The following RBM19 variants were observed in gnomAD, a reference collection of about 807,000 sequenced individuals.
RBM19 encodes RNA binding motif protein 19.
In RBM19, 94 loss-of-function variants were observed where a neutral mutation model predicts 116.8. That is an observed-to-expected ratio of 0.80 (90% CI 0.68 to 0.95). The LOEUF (loss-of-function observed/expected upper bound fraction) is 0.95. RBM19 is among the 40% of genes least tolerant of loss of function. RBM19 has a pLI of 0.00. For synonymous variants in RBM19, 475 were observed against 494.1 expected, an observed-to-expected ratio of 0.96 and a Z score of 0.51; for missense variants, 1,161 against 1,220.7, an observed-to-expected ratio of 0.95 and a Z score of 0.73.
At chr12:113,889,673 CA>C (rs374167674) in intron 21 of RBM19, among the ~76,000 whole-genome samples, 7 of 33,414 alleles carry the variant, frequency 2.1e-4, no homozygotes, top group Admixed American at 3.7e-4. Flanking sequence ...AAACAAACAA[CA>C]AAAAAAAAAA....
intron 7 of RBM19, among the ~76,000 whole-genome samples, chr12:113,954,875 T>C (rs10774728): frequency 0.27 from 40,899 of 152,096 alleles, 5,799 homozygotes; most frequent in Middle Eastern, 0.41. Flanking sequence ...ACCTTTTCTT[T>C]AACAGAGTGT....
chr12:113,906,734 G>A (rs972733094), intron 21 of RBM19, among the ~76,000 whole-genome samples: 3 of 151,884 alleles, frequency 2.0e-5, no homozygotes, highest in African/African-American at 7.3e-5. Context: ...CCTGCTTGGA[G>A]GAGCCTTACC....
intron 18 of RBM19, among the ~76,000 whole-genome samples, chr12:113,924,163 GCT>G (rs1395610715): frequency 6.6e-6 from 1 of 152,206 alleles, no homozygotes; most frequent in Non-Finnish European, 1.5e-5. Context: ...AGATGAGGGT[GCT>G]CTCTGCCTGT....
intron 21 of RBM19, among the ~76,000 whole-genome samples, chr12:113,891,220 G>A (rs778568570): frequency 6.6e-6 from 1 of 152,170 alleles, no homozygotes; most frequent in Admixed American, 6.5e-5. Context: ...GAAACATCCC[G>A]CCATCTCCTG....
At chr12:113,922,523 G>A (rs1224277826) in intron 18 of RBM19, among the ~76,000 whole-genome samples, 1 of 152,148 alleles carries the variant, frequency 6.6e-6, no homozygotes, top group Non-Finnish European at 1.5e-5. Flanking sequence ...GCATCTGACT[G>A]GGCGCAGTGA....
intron 21 of RBM19, among the ~76,000 whole-genome samples, chr12:113,861,719 G>A (rs188434843): frequency 5.5e-4 from 84 of 152,286 alleles, no homozygotes; most frequent in African/African-American, 2.0e-3. Context: ...ACGCTGTTGA[G>A]GAGAGGCTAC....
intron 21 of RBM19, among the ~76,000 whole-genome samples, chr12:113,878,842 A>AG (rs1879866151): frequency 2.9e-5 from 4 of 136,036 alleles, no homozygotes; most frequent in African/African-American, 1.1e-4. Flanking sequence ...AAAAAAAAAA[A>AG]AGGGGGGGGT....
chr12:113,942,963 G>A (rs1870710901), intron 13 of RBM19, among the ~76,000 whole-genome samples: 1 of 152,076 alleles, frequency 6.6e-6, no homozygotes, highest in South Asian at 2.1e-4. Context: ...GGACCCCAGG[G>A]TCCCCTCTCC....
intron 21 of RBM19, among the ~76,000 whole-genome samples, chr12:113,904,010 T>C (rs1323382554): frequency 1.3e-5 from 2 of 152,174 alleles, no homozygotes; most frequent in African/African-American, 4.8e-5. Flanking sequence ...GATCTTTTTT[T>C]TGAAATAAAA....
intron 22 of RBM19, among the ~76,000 whole-genome samples, chr12:113,856,602 A>G (rs554021559): frequency 3.3e-5 from 5 of 152,366 alleles, no homozygotes; most frequent in Non-Finnish European, 5.9e-5. Context: ...CATTCAGAAC[A>G]GCAGTGAGCG....
At chr12:113,957,754 C>T in intron 6 of RBM19, 28 bp downstream of exon 6, 1 of 1,539,946 alleles carries the variant, frequency 6.5e-7, no homozygotes, top group Non-Finnish European at 8.7e-7. Context: ...GCACCTCCTC[C>T]CTCATCACCT....
chr12:113,903,946 G>C lies in RBM19; in HGVS notation c.2558+11023C>G, dbSNP rs544387101. Among the ~76,000 whole-genome samples the C allele has an allele frequency of 2.2e-4, 33 of 152,346 alleles. No homozygotes were observed. The highest frequency in any genetic ancestry group is 1.9e-3 in the Admixed American group (29 of 15,308). On this transcript the variant is annotated intron_variant, in intron 21 of 23. Transcript: ENST00000261741. The surrounding 1 kb of genome is among the most constrained non-coding windows in gnomAD (Gnocchi z 5.1). ...GGGATCCGGACCATGGGATTCTGTT[G>C]AGCTACATCCCACAGCTGGTTAATG... is the stretch of plus-strand genomic sequence containing the variant.
rs572053096 is a variant in RBM19 at position 113,835,988 on chromosome 12, G to A, written c.2785+8680C>T. 6.6e-5 allele frequency among the ~76,000 whole-genome samples: 10 copies of A among 152,340 alleles called. No homozygotes were observed. In the East Asian group the frequency reaches 1.9e-3, roughly 29 times the overall value. On this transcript the variant is annotated intron_variant, in intron 23 of 23. Transcript: ENST00000261741. ...CCATTATATTCTCTCGGCTGCGCTC[G>A]CAGGTACTGTGGCCTGCCGCGGCCC...
Position 113,955,146 on chromosome 12 carries a change from C to A in RBM19, c.906G>T (p.Pro302=). 1 of 1,614,048 alleles carries A rather than the reference C, an allele frequency of 6.2e-7. No homozygotes were observed. Among genetic ancestry groups the A allele is most frequent in the Non-Finnish European group, 8.5e-7 (1 of 1,179,984 alleles). ...TAGCACATACCTCTGTGACATTGAA[C>A]GGGGCTCCCCGCAGCTTCACGGTGT... is the stretch of plus-strand genomic sequence containing the variant. ...TCHTVKLRGA[P]FNVTEKNVME... Residue 302 remains proline (P), a synonymous_variant, in exon 7 of 24, where the codon CCG becomes CCT. Transcript: ENST00000261741.
rs568363777 is a variant in RBM19 at position 113,851,774 on chromosome 12, G to C, written c.2665-6986C>G. Among the ~76,000 whole-genome samples, 7 of 150,988 alleles carry C rather than the reference G, an allele frequency of 4.6e-5. No individual in the cohort carries two copies. The South Asian group carries it at 1.5e-3, about 32-fold the overall frequency. On this transcript the variant is annotated intron_variant, in intron 22 of 23. Transcript: ENST00000261741. Reference sequence around the variant, plus strand: ...TTTAATTTAAATTATTTTAGGCTGGGTGCGGTGGCTCACGCCTGTAATCCC... The same window carrying C: ...TTTAATTTAAATTATTTTAGGCTGGCTGCGGTGGCTCACGCCTGTAATCCC...
chr12:113,944,641 A>G (rs1243236646), intron 13 of RBM19, among the ~76,000 whole-genome samples: 4 of 152,018 alleles, frequency 2.6e-5, no homozygotes, highest in African/African-American at 9.7e-5. Context: ...CTGCAAAACT[A>G]AAAATAAATT....
In RBM19 at chr12:113,966,148, G is replaced by C. The variant is rs758752847; in HGVS notation, c.36+44C>G. 3 of 1,613,380 alleles carry C rather than the reference G, an allele frequency of 1.9e-6. No homozygotes were observed. In the South Asian group the frequency reaches 3.3e-5, roughly 18 times the overall value. ...ATCTCTTCCCTACCTCACAGCTCCC[G>C]GCTGGTCTCATTTCAGATTCCCAAG... is the stretch of plus-strand genomic sequence containing the variant. On this transcript the variant is annotated intron_variant, in intron 1 of 23. Coordinates refer to ENST00000261741, the MANE Select transcript of RBM19 (RefSeq NM_016196.4).
chr12:113,947,257 TACACACAC>T, intron 11 of RBM19, 69 bp downstream of exon 11: 3 of 1,401,778 alleles, frequency 2.1e-6, no homozygotes, highest in Non-Finnish European at 2.9e-6. Context: ...TCCACACACA[TACACACAC>T]ACACACACCA....
intron 23 of RBM19, among the ~76,000 whole-genome samples, chr12:113,842,029 T>G (rs1056541366): frequency 6.6e-6 from 1 of 152,230 alleles, no homozygotes; most frequent in Non-Finnish European, 1.5e-5. Flanking sequence ...CTCATAGAGC[T>G]GCTAGGGAGT....
Sources: allele counts gnomAD v4.1 joint callset (sites outside exome capture counted in the v4.1 genomes callset), GRCh38; gene constraint gnomAD v4.1.1; non-coding constraint Gnocchi (gnomAD v3.1); transcripts MANE v1.5; gene names NCBI Gene and HGNC (gene_info 2026-07-23, HGNC 2026-07-21).